Variants in PGD observed in about 807,000 individuals in gnomAD.
The protein encoded by PGD is phosphogluconate dehydrogenase.
Under a neutral mutation model 60.4 loss-of-function variants are expected in PGD, and 21 were observed. That is an observed-to-expected ratio of 0.35 (90% CI 0.25 to 0.50). The LOEUF (loss-of-function observed/expected upper bound fraction) is 0.50. Among genes scored for constraint, PGD ranks in the 20% least tolerant of loss-of-function variants. The pLI, the probability that PGD is intolerant of heterozygous loss-of-function variation, is 0.98. For synonymous variants in PGD, 230 were observed against 235.9 expected (o/e 0.97, Z 0.23); for missense variants, 477 against 613.1 (o/e 0.78, Z 2.34).
In PGD at chr1:10,400,704, T is replaced by A. The variant is rs937774219; in HGVS notation, c.264+132T>A. 36 of 680,474 alleles carry A rather than the reference T, an allele frequency of 5.3e-5. No individual in the cohort carries two copies. In the African/African-American group the frequency reaches 6.2e-4, roughly 12 times the overall value. 42.2% of individuals were successfully genotyped at this position (680,474 alleles called of 1,614,324 possible). A position where few individuals can be genotyped will look rare whatever the true frequency, so the allele number is the denominator to read the frequency against. ...GCTAAGCTCTGACCAAATGATTGCTTAACTGTTGCAGTGTTGGTTAACTTG... is the reference window on the plus strand; with the variant it reads ...GCTAAGCTCTGACCAAATGATTGCTAAACTGTTGCAGTGTTGGTTAACTTG... On this transcript the variant is annotated intron_variant, in intron 3 of 12. Transcript: ENST00000270776.
rs377679338 is a variant in PGD, at chr1:10,399,089, C to T, written c.-29C>T. The T allele has an allele frequency of 2.2e-5, 36 of 1,609,134 alleles. No individual in the cohort carries two copies. Among genetic ancestry groups the T allele is most frequent in the Non-Finnish European group, 2.8e-5 (33 of 1,179,500 alleles). On this transcript the variant is annotated 5_prime_UTR_variant, in exon 1 of 13. Coordinates refer to ENST00000270776, the MANE Select transcript of PGD (RefSeq NM_002631.4). ...CCCTCACTCGTCCTCCGCGCGTCGC[C>T]GCTCTTCGGTTCTGCTCTGTCCGCC...
chr1:10,412,841 CA>C, intron 7 of PGD: 1 of 503,360 alleles, frequency 2.0e-6, no homozygotes, highest in Non-Finnish European at 3.6e-6. Context: ...GAGGAGACAA[CA>C]CTTCTGGTGG....
At chr1:10,407,486 C>T (rs1363085669) in intron 5 of PGD, among the ~76,000 whole-genome samples, 1 of 152,064 alleles carries the variant, frequency 6.6e-6, no homozygotes, top group Non-Finnish European at 1.5e-5. Context: ...GGTGATGCTT[C>T]TGCTCAGCCT....
intron 8 of PGD, 102 bp from the exon 9 acceptor site, chr1:10,416,885 C>T (rs1639603421): frequency 7.5e-6 from 8 of 1,061,308 alleles, no homozygotes; most frequent in South Asian, 7.0e-5. Flanking sequence ...TTGCTTCAGG[C>T]CATCTGGATG....
At chr1:10,406,272 G>A (rs1442292819) in intron 5 of PGD, among the ~76,000 whole-genome samples, 2 of 152,090 alleles carry the variant, frequency 1.3e-5, no homozygotes, top group Non-Finnish European at 2.9e-5. Flanking sequence ...AAACAGCTGT[G>A]TGTGCAGTGG....
chr1:10,404,353 T>A (rs1639364966), intron 5 of PGD, 74 bp downstream of exon 5: 7 of 893,448 alleles, frequency 7.8e-6, no homozygotes, highest in Non-Finnish European at 1.7e-6. Flanking sequence ...CCAGGAGCAG[T>A]TCTGCCACCC....
chr1:10,409,531 A>G (rs1283898621), intron 6 of PGD, among the ~76,000 whole-genome samples: 3 of 152,058 alleles, frequency 2.0e-5, no homozygotes, highest in Non-Finnish European at 4.4e-5. Context: ...CCACGAGTTC[A>G]AGGCTGCAGT....
intron 7 of PGD, among the ~76,000 whole-genome samples, chr1:10,412,232 C>G (rs1639511689): frequency 6.6e-6 from 1 of 152,196 alleles, no homozygotes; most frequent in African/African-American, 2.4e-5. Flanking sequence ...AAAGGACTTT[C>G]ATTCACCCGC....
chr1:10,403,552 C>T (rs1235721271), intron 4 of PGD, among the ~76,000 whole-genome samples: 1 of 145,184 alleles, frequency 6.9e-6, no homozygotes, highest in East Asian at 2.1e-4. Flanking sequence ...GATCATGCCA[C>T]TGCACTCCAG....
chr1:10,401,354 A>G (rs1244047554), intron 3 of PGD, among the ~76,000 whole-genome samples: 1 of 152,250 alleles, frequency 6.6e-6, no homozygotes, highest in Non-Finnish European at 1.5e-5. Flanking sequence ...TTAGATACCC[A>G]AAATAATTCT....
chr1:10,412,057 C>T (rs1042985585), intron 7 of PGD, among the ~76,000 whole-genome samples: 4 of 152,236 alleles, frequency 2.6e-5, no homozygotes, highest in African/African-American at 9.6e-5. Flanking sequence ...CCACAGGTTC[C>T]TGTACTTGCT....
intron 8 of PGD, among the ~76,000 whole-genome samples, chr1:10,415,639 G>A (rs1639582641): frequency 6.6e-6 from 1 of 152,208 alleles, no homozygotes; most frequent in Admixed American, 6.5e-5. Context: ...CCAGGAGAGA[G>A]GTAGCTGCTT....
At chr1:10,399,157 G>A in intron 1 of PGD, 32 bp downstream of exon 1, 4 of 1,606,380 alleles carry the variant, frequency 2.5e-6, no homozygotes, top group Non-Finnish European at 3.4e-6. Flanking sequence ...GCCCGGCTCG[G>A]CCTCAGCGGG....
intron 11 of PGD, 36 bp downstream of exon 11, chr1:10,418,961 C>T: frequency 8.7e-7 from 1 of 1,143,584 alleles, no homozygotes; most frequent in Non-Finnish European, 1.3e-6. Context: ...GGTTACTCTA[C>T]CTCCCTGGGG....
intron 6 of PGD, among the ~76,000 whole-genome samples, chr1:10,408,763 C>T (rs1639449066): frequency 6.6e-6 from 1 of 152,188 alleles, no homozygotes; most frequent in Non-Finnish European, 1.5e-5. Flanking sequence ...TGCATGCCAC[C>T]ACGCCTAGCT....
chr1:10,399,588 C>T lies in PGD; in HGVS notation c.9-41C>T, dbSNP rs370256764. The T allele has an allele frequency of 8.3e-6, 13 of 1,568,154 alleles. No individual in the cohort carries two copies. In the African/African-American group the frequency reaches 1.3e-4, roughly 16 times the overall value. Reference sequence around the variant, plus strand: ...GACCCCTGGGTTGCAGCGCGTCGAGCGGTGCTGACTCTTTCCTTTGTTCTG... The same window carrying T: ...GACCCCTGGGTTGCAGCGCGTCGAGTGGTGCTGACTCTTTCCTTTGTTCTG... On this transcript the variant is annotated intron_variant, in intron 1 of 12. Transcript: ENST00000270776.
chr1:10,408,007 C>G, intron 5 of PGD, 64 bp from the exon 6 acceptor site: 2 of 938,398 alleles, frequency 2.1e-6, no homozygotes, highest in South Asian at 2.6e-5. Flanking sequence ...ATGTTGGTGT[C>G]TATGGGTATG....
In PGD at chr1:10,403,634, AG is replaced by A. The variant is rs375666597; in HGVS notation, c.330+499del. Reference sequence around the variant, plus strand: ...AAGACACTTGGTGGGTGAGATTCTCAGTCACACATACAACTCAAAGGATGAC... The same window carrying A: ...AAGACACTTGGTGGGTGAGATTCTCATCACACATACAACTCAAAGGATGAC... On this transcript the variant is annotated intron_variant, in intron 4 of 12. Coordinates refer to ENST00000270776, the MANE Select transcript of PGD (RefSeq NM_002631.4). Among the ~76,000 whole-genome samples the A allele has an allele frequency of 5.8e-4, 87 of 150,112 alleles. 1 individual carries two copies. The highest frequency in any genetic ancestry group is 2.0e-3 in the African/African-American group (83 of 40,606).
At chr1:10,413,837 A>G (rs1421746874) in intron 8 of PGD, among the ~76,000 whole-genome samples, 1 of 152,032 alleles carries the variant, frequency 6.6e-6, no homozygotes, top group Non-Finnish European at 1.5e-5. Flanking sequence ...CCTGGGAGGC[A>G]GAGTTTGCAG....
Sources: allele counts gnomAD v4.1 joint callset (sites outside exome capture counted in the v4.1 genomes callset), GRCh38; gene constraint gnomAD v4.1.1; transcripts MANE v1.5; gene names NCBI Gene and HGNC (gene_info 2026-07-23, HGNC 2026-07-21).